KIF5C: variants seen among roughly 807,000 people sequenced by gnomAD.
The protein encoded by KIF5C is kinesin heavy chain isoform 5C.
KIF5C carries 18 observed loss-of-function variants against 125.2 expected under a neutral mutation model. The observed-to-expected ratio is 0.14, with a 90% confidence interval of 0.10 to 0.21. KIF5C has a LOEUF of 0.21. Ranked by LOEUF, KIF5C falls within the 10% of genes least tolerant of loss-of-function variation. The pLI is 1.00. For synonymous variants in KIF5C, 405 were observed against 434.0 expected, an observed-to-expected ratio of 0.93 and a Z score of 0.83; for missense variants, 780 against 1,183.8, an observed-to-expected ratio of 0.66 and a Z score of 5.01.
At chr2:148,889,546 C>T (rs1681648007) in intron 1 of KIF5C, among the ~76,000 whole-genome samples, 1 of 152,040 alleles carries the variant, frequency 6.6e-6, no homozygotes, top group South Asian at 2.1e-4. Flanking sequence ...CAGGGTTCTT[C>T]TCACATGCTC....
intron 1 of KIF5C, among the ~76,000 whole-genome samples, chr2:148,913,870 T>G (rs958808553): frequency 6.7e-6 from 1 of 149,482 alleles, no homozygotes; most frequent in Non-Finnish European, 1.5e-5. Context: ...AGAAGGTTTG[T>G]TTTTTTTTTC....
chr2:148,984,018 T>C (rs1249249265), intron 15 of KIF5C, among the ~76,000 whole-genome samples: 1 of 152,228 alleles, frequency 6.6e-6, no homozygotes, highest in East Asian at 1.9e-4. Flanking sequence ...TTTGTGTAAA[T>C]TGGTTTATTT....
At chr2:148,910,444 C>T (rs1301891374) in intron 1 of KIF5C, among the ~76,000 whole-genome samples, 1 of 152,188 alleles carries the variant, frequency 6.6e-6, no homozygotes, top group African/African-American at 2.4e-5. Flanking sequence ...CCAGGTAAAA[C>T]ATAGGGTCTA....
intron 11 of KIF5C, among the ~76,000 whole-genome samples, chr2:148,972,082 GCACCAC>G (rs1680931163): frequency 6.6e-6 from 1 of 152,030 alleles, no homozygotes; most frequent in Admixed American, 6.6e-5. Context: ...TTACAGGTGT[GCACCAC>G]CACACCCAGC....
At chr2:148,962,410 C>G (rs188828846) in intron 11 of KIF5C, among the ~76,000 whole-genome samples, 296 of 151,580 alleles carry the variant, frequency 2.0e-3, no homozygotes, top group African/African-American at 6.9e-3. Flanking sequence ...AACTCCTGAC[C>G]TCAAGTGATC....
At chr2:148,954,222 G>A (rs1355603246) in intron 10 of KIF5C, among the ~76,000 whole-genome samples, 1 of 152,122 alleles carries the variant, frequency 6.6e-6, no homozygotes, top group Admixed American at 6.5e-5. Context: ...TGAATGCCCA[G>A]CATCGTGCCA....
chr2:148,980,917 C>T (rs1218807265), intron 13 of KIF5C, among the ~76,000 whole-genome samples: 1 of 151,792 alleles, frequency 6.6e-6, no homozygotes, highest in Non-Finnish European at 1.5e-5. Flanking sequence ...GCCATATTGG[C>T]CAGGCTGTTT....
intron 22 of KIF5C, among the ~76,000 whole-genome samples, chr2:149,006,842 C>G (rs1682023827): frequency 6.6e-6 from 1 of 152,096 alleles, no homozygotes; most frequent in East Asian, 1.9e-4. Flanking sequence ...GGGCACCTGG[C>G]CAGAGGTTAT....
At chr2:148,947,288 A>C in intron 8 of KIF5C, 1 of 405,972 alleles carries the variant, frequency 2.5e-6, no homozygotes, top group Non-Finnish European at 4.3e-6. Context: ...ATGAGGCAAC[A>C]GTTGGTTTGA....
intron 4 of KIF5C, among the ~76,000 whole-genome samples, chr2:148,939,553 T>C (rs1223519995): frequency 6.6e-6 from 1 of 152,196 alleles, no homozygotes; most frequent in African/African-American, 2.4e-5. Flanking sequence ...TAGAATCTTA[T>C]TAAGATAAAA....
chr2:148,915,136 G>GACT lies in KIF5C; in HGVS notation c.127-7000_127-6998dup, dbSNP rs139263135. ...GTGTAGAAAGACATAGTGACTTCAG[G>GACT]ACTGCTAAAATCTTGGTGGGGAGTA... On this transcript the variant is annotated intron_variant, in intron 1 of 25. Coordinates refer to ENST00000435030, the MANE Select transcript of KIF5C (RefSeq NM_004522.3). Among the ~76,000 whole-genome samples, 918 of 152,264 alleles carry GACT rather than the reference G, an allele frequency of 6.0e-3. 3 individuals are homozygous for GACT. The highest frequency in any genetic ancestry group is 0.021 in the African/African-American group (872 of 41,548).
chr2:148,976,406 A>T lies in KIF5C; in HGVS notation c.1294-2516A>T, dbSNP rs1217236800. On this transcript the variant is annotated intron_variant, in intron 12 of 25. Transcript: ENST00000435030. ...TGCCTCAGCCTCCTGAGTAGCTGGG[A>T]CTACAGGCGCACACCACCACGCCTG... Among the ~76,000 whole-genome samples the T allele has an allele frequency of 2.0e-5, 3 of 151,996 alleles. No homozygotes were observed. The East Asian group carries it at 5.8e-4, about 29-fold the overall frequency.
intron 3 of KIF5C, among the ~76,000 whole-genome samples, chr2:148,933,615 A>G (rs1390905056): frequency 2.0e-5 from 3 of 150,510 alleles, no homozygotes; most frequent in Admixed American, 6.6e-5. Flanking sequence ...TCACACACAG[A>G]CATACCATAC....
At chr2:148,984,784 GTTTATTTATTTA>G (rs201450383) in intron 15 of KIF5C, among the ~76,000 whole-genome samples, 21 of 151,830 alleles carry the variant, frequency 1.4e-4, no homozygotes, top group Admixed American at 2.6e-4. Context: ...TTGGTTATTT[GTTTATTTATTTA>G]TTTATTTATT....
intron 12 of KIF5C, among the ~76,000 whole-genome samples, chr2:148,978,412 A>C (rs1470991594): frequency 3.5e-5 from 5 of 142,788 alleles, no homozygotes; most frequent in African/African-American, 1.3e-4. Flanking sequence ...TTCCAATGCC[A>C]AATCTCCAGT....
At chr2:148,980,682 A>ATTTC (rs1014448544) in intron 13 of KIF5C, among the ~76,000 whole-genome samples, 6 of 130,912 alleles carry the variant, frequency 4.6e-5, no homozygotes, top group African/African-American at 1.8e-4. Context: ...TTGCTTATTT[A>ATTTC]TTTATTTATT....
intron 1 of KIF5C, among the ~76,000 whole-genome samples, chr2:148,915,918 C>T (rs1681529250): frequency 6.6e-6 from 1 of 152,214 alleles, no homozygotes; most frequent in Non-Finnish European, 1.5e-5. Context: ...TGCACTACCA[C>T]CCCTGGGCAT....
chr2:148,979,485 G>C (rs1681173660), intron 13 of KIF5C, among the ~76,000 whole-genome samples: 1 of 152,096 alleles, frequency 6.6e-6, no homozygotes, highest in Non-Finnish European at 1.5e-5. Flanking sequence ...TGTTGGTCAG[G>C]GTGATCTTGA....
intron 3 of KIF5C, among the ~76,000 whole-genome samples, chr2:148,934,011 TAC>T (rs1357017990): frequency 2.7e-5 from 4 of 146,728 alleles, no homozygotes; most frequent in Admixed American, 1.4e-4. Context: ...ATCAGACACA[TAC>T]AGACATATAC....
Sources: allele counts gnomAD v4.1 joint callset (sites outside exome capture counted in the v4.1 genomes callset), GRCh38; gene constraint gnomAD v4.1.1; transcripts MANE v1.5; gene names NCBI Gene and HGNC (gene_info 2026-07-23, HGNC 2026-07-21).